PRH1: variants seen among roughly 807,000 people sequenced by gnomAD.
PRH1 encodes the protein salivary acidic proline-rich phosphoprotein 1/2.
Under a neutral mutation model 7.9 loss-of-function variants are expected in PRH1, and 7 were observed. That is an observed-to-expected ratio of 0.89 (90% CI 0.50 to 1.67). PRH1 has a LOEUF of 1.67. PRH1 is among the 40% of genes most tolerant of loss of function. The pLI is 0.00. For missense variants in PRH1, 109 were observed against 223.6 expected (o/e 0.49, Z 3.27); for synonymous variants, 45 against 80.8 (o/e 0.56, Z 2.38).
intron 1 of PRH1, chr12:11,134,761 C>A (rs1398034918): frequency 6.5e-6 from 1 of 153,834 alleles, no homozygotes; most frequent in African/African-American, 2.4e-5. Flanking sequence ...TTTTTAAATG[C>A]CAGATTTAAA....
At chr12:11,114,828 T>C (rs1369299796) in intron 1 of PRH1, among the ~76,000 whole-genome samples, 1 of 152,148 alleles carries the variant, frequency 6.6e-6, no homozygotes, top group African/African-American at 2.4e-5. Context: ...TGTTATCAGC[T>C]TGAAATAATG....
intron 1 of PRH1, among the ~76,000 whole-genome samples, chr12:11,086,284 T>C (rs1277117008): frequency 1.4e-5 from 2 of 144,206 alleles, no homozygotes; most frequent in African/African-American, 5.1e-5. Flanking sequence ...TAAATCTTAG[T>C]TATTTAATGA....
chr12:11,166,942 G>T (rs1947600066), intron 1 of PRH1, among the ~76,000 whole-genome samples: 1 of 152,140 alleles, frequency 6.6e-6, no homozygotes, highest in African/African-American at 2.4e-5. Flanking sequence ...TTCAAAGTCA[G>T]AAGTGTTGCA....
At chr12:10,990,631 A>T (rs1186668892) in intron 1 of PRH1, among the ~76,000 whole-genome samples, 2 of 152,220 alleles carry the variant, frequency 1.3e-5, no homozygotes, top group African/African-American at 2.4e-5. Context: ...TTGCATCTTC[A>T]TAGGCTCTCT....
At chr12:10,949,515 A>G (rs1216985737) in intron 2 of PRH1, among the ~76,000 whole-genome samples, 1 of 152,230 alleles carries the variant, frequency 6.6e-6, no homozygotes, top group Admixed American at 6.5e-5. Flanking sequence ...TTTAAAGAAA[A>G]GCTTATAATT....
intron 1 of PRH1, among the ~76,000 whole-genome samples, chr12:11,054,923 G>T (rs183572678): frequency 2.1e-5 from 3 of 145,336 alleles, no homozygotes; most frequent in Non-Finnish European, 4.5e-5. Context: ...TGCAAGCTCC[G>T]CCTCACTGCA....
intron 1 of PRH1, chr12:10,997,541 T>C (rs749971542): frequency 6.2e-7 from 1 of 1,614,064 alleles, no homozygotes. Context: ...TCTGGAGAAA[T>C]TGACGATCTT....
At chr12:11,013,770 C>A (rs2136047436) in intron 1 of PRH1, among the ~76,000 whole-genome samples, 1 of 152,246 alleles carries the variant, frequency 6.6e-6, no homozygotes, top group Middle Eastern at 3.4e-3. Context: ...CACTCTGGAG[C>A]CTAAACTGGA....
chr12:10,918,453 T>C (rs954417015), intron 2 of PRH1, among the ~76,000 whole-genome samples: 2 of 152,216 alleles, frequency 1.3e-5, no homozygotes, highest in African/African-American at 2.4e-5. Flanking sequence ...ACTTCAGGTA[T>C]TCTTTTATAG....
chr12:11,024,597 C>T (rs1188001652), intron 1 of PRH1, among the ~76,000 whole-genome samples: 2 of 152,166 alleles, frequency 1.3e-5, no homozygotes, highest in Non-Finnish European at 2.9e-5. Flanking sequence ...AAATTTAACC[C>T]CATCATTGCA....
intron 2 of PRH1, chr12:10,929,152 G>A (rs192492527): frequency 8.1e-7 from 1 of 1,231,364 alleles, no homozygotes; most frequent in East Asian, 2.4e-5. Context: ...CCCAGTCTCT[G>A]AGGCGAGGAG....
intron 2 of PRH1, among the ~76,000 whole-genome samples, chr12:10,900,299 G>C (rs1949705245): frequency 6.6e-6 from 1 of 152,208 alleles, no homozygotes; most frequent in Non-Finnish European, 1.5e-5. Flanking sequence ...TTGGAGAAAG[G>C]CTTAGAGACA....
intron 1 of PRH1, among the ~76,000 whole-genome samples, chr12:10,977,049 T>C (rs1939135146): frequency 6.6e-6 from 1 of 152,130 alleles, no homozygotes; most frequent in African/African-American, 2.4e-5. Flanking sequence ...AAGGGACTCC[T>C]CCATAACTCA....
chr12:11,148,378 G>C (rs1489960311), intron 1 of PRH1, among the ~76,000 whole-genome samples: 7 of 150,184 alleles, frequency 4.7e-5, no homozygotes, highest in African/African-American at 1.2e-4. Context: ...TTTTCAAAGG[G>C]AATGCTTCCA....
chr12:11,048,380 C>G (rs769099192), upstream of PRH1: 1 of 296,986 alleles, frequency 3.4e-6, no homozygotes, highest in Admixed American at 3.8e-5. Flanking sequence ...TGTCACAAAG[C>G]TGAAAGAAAG....
At chr12:11,007,913 A>G (rs1940901035) in intron 1 of PRH1, among the ~76,000 whole-genome samples, 1 of 152,138 alleles carries the variant, frequency 6.6e-6, no homozygotes, top group Admixed American at 6.6e-5. Context: ...ATCTAAAGAC[A>G]TGTGAGATAT....
chr12:11,146,329 G>C (rs945555101), intron 1 of PRH1, among the ~76,000 whole-genome samples: 3 of 151,496 alleles, frequency 2.0e-5, no homozygotes, highest in Non-Finnish European at 4.4e-5. Context: ...TACTCTAAAT[G>C]AGAAAAAAAA....
intron 1 of PRH1, chr12:11,076,878 T>C (rs1307072305): frequency 3.5e-5 from 4 of 115,394 alleles, no homozygotes; most frequent in Admixed American, 1.7e-4. Context: ...ACCCCAAAGA[T>C]ACATTCTCAT....
At chr12:11,062,714 T>G (rs1399983648) in intron 1 of PRH1, among the ~76,000 whole-genome samples, 2 of 152,102 alleles carry the variant, frequency 1.3e-5, no homozygotes, top group Non-Finnish European at 2.9e-5. Context: ...TAGGGAAGTT[T>G]TATAACCCAA....
Sources: gnomAD v4.1 joint callset for allele counts (sites outside exome capture counted in the v4.1 genomes callset) on GRCh38, gnomAD v4.1.1 for gene constraint, MANE v1.5 for transcripts, NCBI Gene and HGNC (gene_info 2026-07-23, HGNC 2026-07-21) for gene names.